CDH13: variants seen among roughly 807,000 people sequenced by gnomAD.
CDH13 encodes cadherin 13.
A neutral mutation model predicts 63.8 loss-of-function variants in CDH13; 24 were observed. That is an observed-to-expected ratio of 0.38 (90% CI 0.27 to 0.53). The LOEUF (loss-of-function observed/expected upper bound fraction) is 0.53, where lower values mean the gene tolerates loss of function less well. CDH13 is among the 20% of genes least tolerant of loss of function. The pLI, the probability that CDH13 is intolerant of heterozygous loss-of-function variation, is 0.85. For synonymous variants in CDH13, 503 were observed against 355.3 expected (o/e 1.42, Z -4.67); for missense variants, 1,049 against 903.1 (o/e 1.16, Z -2.07).
intron 4 of CDH13, among the ~76,000 whole-genome samples, chr16:83,171,288 C>A (rs550052144): frequency 3.9e-5 from 6 of 152,176 alleles, no homozygotes; most frequent in Admixed American, 2.6e-4. Flanking sequence ...AGGACCAGAT[C>A]TTGTGAGAAC....
chr16:82,705,243 G>A (rs1013981579), intron 1 of CDH13: 1 of 445,480 alleles, frequency 2.2e-6, no homozygotes, highest in Non-Finnish European at 4.5e-6. Flanking sequence ...AGGACAAGGT[G>A]CGGCTGCACT....
At chr16:82,840,418 C>T (rs905791393) in intron 1 of CDH13, among the ~76,000 whole-genome samples, 7 of 151,080 alleles carry the variant, frequency 4.6e-5, no homozygotes, top group African/African-American at 1.5e-4. Context: ...TGCAGTGGCT[C>T]ACACCTGTAA....
At chr16:83,235,756 A>C (rs576875841) in intron 5 of CDH13, among the ~76,000 whole-genome samples, 2 of 152,178 alleles carry the variant, frequency 1.3e-5, no homozygotes, top group Non-Finnish European at 2.9e-5. Flanking sequence ...ATTTTCAACT[A>C]TACGGCACAC....
chr16:82,693,904 C>G (rs937948550), intron 1 of CDH13, among the ~76,000 whole-genome samples: 17 of 152,176 alleles, frequency 1.1e-4, no homozygotes, highest in African/African-American at 4.1e-4. Flanking sequence ...GTTCAAACTT[C>G]TCATCTGTGA....
At chr16:83,325,677 T>A (rs548074463) in intron 5 of CDH13, among the ~76,000 whole-genome samples, 30 of 152,304 alleles carry the variant, frequency 2.0e-4, no homozygotes, top group African/African-American at 7.2e-4. Context: ...TGATACTTGA[T>A]ACCTTCACGC....
At chr16:83,182,518 C>A (rs945355818) in intron 4 of CDH13, among the ~76,000 whole-genome samples, 1 of 152,194 alleles carries the variant, frequency 6.6e-6, no homozygotes. Flanking sequence ...AGGTGAAGTT[C>A]ATAACTGCCA....
chr16:83,747,544 T>G lies in CDH13; in HGVS notation c.1539-564T>G, dbSNP rs182109456. ...CTTTATCAACAGTGTGAAGATGGAC[T>G]AATACAATTTGTTAACTCATATTCT... On this transcript the variant is annotated intron_variant, in intron 10 of 13. Coordinates refer to ENST00000567109, the MANE Select transcript of CDH13 (RefSeq NM_001257.5). Among the ~76,000 whole-genome samples, 368 of 152,080 alleles carry G rather than the reference T, an allele frequency of 2.4e-3. 1 individual carries two copies. The highest frequency in any genetic ancestry group is 8.6e-3 in the African/African-American group (356 of 41,482).
intron 1 of CDH13, among the ~76,000 whole-genome samples, chr16:82,835,904 A>C (rs1443077343): frequency 6.6e-6 from 1 of 152,148 alleles, no homozygotes; most frequent in Non-Finnish European, 1.5e-5. Context: ...TCTGCTACCA[A>C]CACCCCCAGG....
intron 1 of CDH13, among the ~76,000 whole-genome samples, chr16:82,808,732 C>T (rs1296573602): frequency 6.6e-6 from 1 of 152,142 alleles, no homozygotes; most frequent in Non-Finnish European, 1.5e-5. Context: ...TGTTTGTACC[C>T]ACTTAATGGA....
intron 1 of CDH13, among the ~76,000 whole-genome samples, chr16:82,790,166 G>C (rs1017498818): frequency 1.3e-5 from 2 of 152,146 alleles, no homozygotes; most frequent in African/African-American, 4.8e-5. Flanking sequence ...GCCAGGCGCG[G>C]TATCTCATAC....
intron 1 of CDH13, among the ~76,000 whole-genome samples, chr16:82,762,868 C>G (rs903317681): frequency 6.6e-6 from 1 of 152,172 alleles, no homozygotes; most frequent in African/African-American, 2.4e-5. Context: ...GCACTCTCTT[C>G]ATTAATAGCC....
intron 10 of CDH13, among the ~76,000 whole-genome samples, chr16:83,693,822 A>C (rs566337880): frequency 9.2e-5 from 14 of 152,350 alleles, no homozygotes; most frequent in Middle Eastern, 3.4e-3. Flanking sequence ...GATTAAATTT[A>C]TCAGTATTTT....
At chr16:83,335,409 G>A (rs1407123882) in intron 5 of CDH13, among the ~76,000 whole-genome samples, 60 of 143,724 alleles carry the variant, frequency 4.2e-4, no homozygotes, top group African/African-American at 7.8e-5. Context: ...CACACACACA[G>A]TTCCTTTGTC....
intron 6 of CDH13, among the ~76,000 whole-genome samples, chr16:83,447,887 C>T (rs959499220): frequency 6.6e-6 from 1 of 151,836 alleles, no homozygotes. Context: ...TCAAGTAGCC[C>T]TTGATGTGAT....
intron 5 of CDH13, among the ~76,000 whole-genome samples, chr16:83,307,444 C>T (rs772686369): frequency 2.6e-5 from 4 of 152,314 alleles, no homozygotes; most frequent in African/African-American, 4.8e-5. Context: ...TCCAGAATTC[C>T]TCTAAGTGAA....
chr16:83,732,755 C>T (rs1911163664), intron 10 of CDH13, among the ~76,000 whole-genome samples: 1 of 152,158 alleles, frequency 6.6e-6, no homozygotes, highest in South Asian at 2.1e-4. Context: ...CTGACCTCAC[C>T]AGGGGCACCA....
chr16:82,736,650 C>G (rs1477834747), intron 1 of CDH13, among the ~76,000 whole-genome samples: 2 of 152,170 alleles, frequency 1.3e-5, no homozygotes, highest in Non-Finnish European at 1.5e-5. Context: ...CTGTTCAAGT[C>G]TCCCATGGTT....
chr16:82,951,040 T>C (rs1450046811), intron 2 of CDH13, among the ~76,000 whole-genome samples: 1 of 152,202 alleles, frequency 6.6e-6, no homozygotes, highest in Non-Finnish European at 1.5e-5. Context: ...AGAAGAATTT[T>C]ATTGGTCCAG....
intron 5 of CDH13, among the ~76,000 whole-genome samples, chr16:83,300,088 GC>G (rs1176057920): frequency 2.6e-5 from 4 of 152,198 alleles, no homozygotes; most frequent in Non-Finnish European, 5.9e-5. Flanking sequence ...ACTAGTTTTA[GC>G]CCATACTCAA....
Sources: gnomAD v4.1 joint callset for allele counts (sites outside exome capture counted in the v4.1 genomes callset) on GRCh38, gnomAD v4.1.1 for gene constraint, MANE v1.5 for transcripts, NCBI Gene and HGNC (gene_info 2026-07-23, HGNC 2026-07-21) for gene names.